The following SCAP variants were observed in gnomAD, a reference collection of about 807,000 sequenced individuals.
SCAP encodes SREBF chaperone, also known as sterol regulatory element-binding protein cleavage-activating protein.
In SCAP, 65 loss-of-function variants were observed where a neutral mutation model predicts 123.6. The ratio of observed to expected loss-of-function variants is 0.53; its 90% CI spans 0.43 to 0.65. The LOEUF is 0.65. Ranked by LOEUF, SCAP falls within the 30% of genes least tolerant of loss-of-function variation. SCAP has a pLI of 0.00. For missense variants in SCAP, 1,398 were observed against 1,712.5 expected, an observed-to-expected ratio of 0.82 and a Z score of 3.24; for synonymous variants, 740 against 726.3, an observed-to-expected ratio of 1.02 and a Z score of -0.30.
chr3:47,414,432 T>A, intron 21 of SCAP, 46 bp from the exon 22 acceptor site: 2 of 1,601,986 alleles, frequency 1.2e-6, no homozygotes, highest in Non-Finnish European at 1.7e-6. Flanking sequence ...GTGTAATACC[T>A]CTGTCAACAG....
intron 1 of SCAP, among the ~76,000 whole-genome samples, chr3:47,473,591 G>A (rs1708152345): frequency 6.6e-6 from 1 of 152,114 alleles, no homozygotes; most frequent in Admixed American, 6.6e-5. Context: ...TGAAGTACCT[G>A]TCAGAGCCGG....
chr3:47,476,201 G>A (rs975641005), upstream of SCAP: 2 of 152,246 alleles, frequency 1.3e-5, no homozygotes, highest in East Asian at 1.9e-4. Flanking sequence ...GGTGGCTCGC[G>A]GTTGTAATCC....
At chr3:47,427,983 C>T (rs903741299) in intron 4 of SCAP, among the ~76,000 whole-genome samples, 4 of 152,224 alleles carry the variant, frequency 2.6e-5, no homozygotes, top group South Asian at 2.1e-4. Flanking sequence ...GAGCAGGGAC[C>T]GGGGTAAATT....
At chr3:47,434,792 G>C (rs755569052) in intron 3 of SCAP, 2 of 474,380 alleles carry the variant, frequency 4.2e-6, no homozygotes, top group Non-Finnish European at 7.4e-6. Flanking sequence ...AGCCGAGATT[G>C]TGCCATTGCA....
rs1282237393 is a variant in SCAP, at chr3:47,451,526, T to C, written c.-98-8435A>G. Among the ~76,000 whole-genome samples, 5 of 118,074 alleles carry C rather than the reference T, an allele frequency of 4.2e-5. 1 individual carries two copies. The highest frequency in any genetic ancestry group is 6.3e-4 in the East Asian group (2 of 3,200). The allele number at this position is 118,074 out of a possible 152,430, so 77.5% of individuals were successfully genotyped here. On this transcript the variant is annotated intron_variant, in intron 1 of 22. Coordinates refer to ENST00000265565, the MANE Select transcript of SCAP (RefSeq NM_012235.4). ...AATTCTCCCACTTCAGCCTCCCAAGTAGCTAGGACTATAGGCGTGCACCAC... is the reference window on the plus strand; with the variant it reads ...AATTCTCCCACTTCAGCCTCCCAAGCAGCTAGGACTATAGGCGTGCACCAC...
In SCAP at chr3:47,469,948, A is replaced by G. The variant is rs557067798; in HGVS notation, c.-99+5851T>C. ...CACTGCCACAGCTCTACTATTGTGAAGAGAGAAGCGGTTTTGAAAGAAATG... is the reference window on the plus strand; with the variant it reads ...CACTGCCACAGCTCTACTATTGTGAGGAGAGAAGCGGTTTTGAAAGAAATG... On this transcript the variant is annotated intron_variant, in intron 1 of 22. Coordinates refer to ENST00000265565, the MANE Select transcript of SCAP (RefSeq NM_012235.4). 3.1e-4 allele frequency: 123 copies of G among 403,248 alleles called. 3 individuals are homozygous for G. Among genetic ancestry groups the G allele is most frequent in the South Asian group, 2.5e-3 (119 of 47,380 alleles). The allele number at this position is 403,248 out of a possible 1,614,324, so 25.0% of individuals were successfully genotyped here.
Position 47,420,874 on chromosome 3 carries a change from C to T in SCAP, c.1344+57G>A. The T allele has an allele frequency of 6.3e-7, 1 of 1,585,552 alleles. No homozygotes were observed. The highest frequency in any genetic ancestry group is 8.7e-7 in the Non-Finnish European group (1 of 1,154,764). On this transcript the variant is annotated intron_variant, in intron 11 of 22. Coordinates refer to ENST00000265565, the MANE Select transcript of SCAP (RefSeq NM_012235.4). The surrounding 1 kb of genome is among the most constrained non-coding windows in gnomAD (Gnocchi z 5.0). ...GTCTACACCCTTCTCACCCAGGACTCCCTCAGTACAGCCAGGGCTGAGGAG... is the reference window on the plus strand; with the variant it reads ...GTCTACACCCTTCTCACCCAGGACTTCCTCAGTACAGCCAGGGCTGAGGAG...
intron 1 of SCAP, among the ~76,000 whole-genome samples, chr3:47,473,095 A>AAAAAAAAAAC (rs1559576259): frequency 6.8e-6 from 1 of 146,292 alleles, no homozygotes; most frequent in African/African-American, 2.5e-5. Flanking sequence ...AAAAAAAAAA[A>AAAAAAAAAAC]AAAACAGACT....
chr3:47,440,718 A>G (rs538742387), intron 2 of SCAP, among the ~76,000 whole-genome samples: 1 of 152,216 alleles, frequency 6.6e-6, no homozygotes. Flanking sequence ...AAAATACAAA[A>G]AATTAGTGGT....
intron 1 of SCAP, among the ~76,000 whole-genome samples, chr3:47,448,341 CAG>C (rs1484855706): frequency 6.6e-6 from 1 of 152,004 alleles, no homozygotes; most frequent in Non-Finnish European, 1.5e-5. Context: ...TTATTAGTGC[CAG>C]AGTCTTTCTG....
chr3:47,423,569 T>C (rs1041303379), intron 9 of SCAP, among the ~76,000 whole-genome samples: 2 of 152,180 alleles, frequency 1.3e-5, no homozygotes, highest in Non-Finnish European at 2.9e-5. Context: ...AATTTTTCTA[T>C]CTTTTGTAGA....
At chr3:47,456,579 A>C (rs1707431879) in intron 1 of SCAP, among the ~76,000 whole-genome samples, 1 of 151,970 alleles carries the variant, frequency 6.6e-6, no homozygotes, top group Non-Finnish European at 1.5e-5. Flanking sequence ...CAGTCTGACC[A>C]ATATGGCAAA....
chr3:47,419,529 A>C lies in SCAP; in HGVS notation c.1739T>G (p.Phe580Cys), dbSNP rs1705796135. ...PSHPDPAFSI[F>C]PPDAPKLPEN... Reference sequence around the variant, plus strand: ...AGGTAGCTTAGGGGCATCAGGTGGGAAGATGGAGAAGGCAGGGTCCGGGTG... The same window carrying C: ...AGGTAGCTTAGGGGCATCAGGTGGGCAGATGGAGAAGGCAGGGTCCGGGTG... Residue 580 changes from phenylalanine to cysteine, a missense_variant, in exon 13 of 23, where the codon TTC (phenylalanine) becomes TGC (cysteine). This residue lies in a region of SCAP where 828 missense variants were observed against 882.5 expected (regional missense o/e 0.94). Transcript: ENST00000265565. This position sits in a 1 kb window ranked among gnomAD's most constrained non-coding sequence, Gnocchi z 5.0. 3 of 1,613,916 alleles carry C rather than the reference A, an allele frequency of 1.9e-6. No homozygotes were observed. Among genetic ancestry groups the C allele is most frequent in the Non-Finnish European group, 1.7e-6 (2 of 1,179,964 alleles).
rs1328235074 is a variant in SCAP at position 47,420,280 on chromosome 3, A to T, written c.1563+274T>A. Among the ~76,000 whole-genome samples the T allele has an allele frequency of 6.6e-6, 1 of 152,172 alleles. No homozygotes were observed. The highest frequency in any genetic ancestry group is 2.4e-5 in the African/African-American group (1 of 41,436). ...CAAGTGGGTCCATCCCAGAGCACTC[A>T]ACTAACAGGCTCCTGTCCTGGGCCA... On this transcript the variant is annotated intron_variant, in intron 12 of 22. Coordinates refer to ENST00000265565, the MANE Select transcript of SCAP (RefSeq NM_012235.4). This position sits in a 1 kb window ranked among gnomAD's most constrained non-coding sequence, Gnocchi z 5.0.
chr3:47,442,748 A>C, intron 2 of SCAP, 124 bp downstream of exon 2: 1 of 801,532 alleles, frequency 1.2e-6, no homozygotes, highest in South Asian at 1.7e-5. Context: ...CACAGTTATA[A>C]GGAGCCCAAG....
intron 21 of SCAP, 79 bp downstream of exon 21, chr3:47,414,493 C>T: frequency 1.3e-6 from 2 of 1,597,464 alleles, no homozygotes; most frequent in Non-Finnish European, 1.7e-6. Context: ...CCTGGAAGGC[C>T]CCTGGGGACC....
chr3:47,434,580 G>C (rs1445817537), intron 3 of SCAP, among the ~76,000 whole-genome samples: 2 of 152,240 alleles, frequency 1.3e-5, no homozygotes, highest in African/African-American at 4.8e-5. Context: ...GCTCACGCCT[G>C]TAATCCCAGC....
intron 3 of SCAP, among the ~76,000 whole-genome samples, chr3:47,430,740 A>T (rs192375664): frequency 6.6e-6 from 1 of 152,332 alleles, no homozygotes; most frequent in Admixed American, 6.5e-5. Context: ...AGACAAGGAA[A>T]CATGGCCCTA....
At position 47,418,506 on chromosome 3, in the gene SCAP, G is replaced by A; in HGVS notation, c.2146C>T (p.Leu716=). ...AGCACCAAGACGATGCCGGTGGCCA[G>A]GCCCAGCGCCGCCACCCTGCACGGG... is the stretch of plus-strand genomic sequence containing the variant. ...VTLYKVAALG[L]ATGIVLVLLL... Residue 716 remains leucine, a synonymous_variant, in exon 15 of 23, where the codon CTG becomes TTG. Coordinates refer to ENST00000265565, the MANE Select transcript of SCAP (RefSeq NM_012235.4). 2.5e-6 allele frequency: 4 copies of A among 1,596,180 alleles called. No individual in the cohort carries two copies. The highest frequency in any genetic ancestry group is 2.6e-6 in the Non-Finnish European group (3 of 1,172,626).
Sources: allele counts gnomAD v4.1 joint callset (sites outside exome capture counted in the v4.1 genomes callset), GRCh38; gene constraint gnomAD v4.1.1; regional missense constraint gnomAD v4.1.1; non-coding constraint Gnocchi (gnomAD v3.1); transcripts MANE v1.5; gene names NCBI Gene and HGNC (gene_info 2026-07-23, HGNC 2026-07-21).